The following XPO6 variants were observed in gnomAD, a reference collection of about 807,000 sequenced individuals.
XPO6 encodes exportin-6.
Under a neutral mutation model 130.0 loss-of-function variants are expected in XPO6, and 3 were observed. The observed-to-expected ratio is 0.02, with a 90% CI of 0.01 to 0.06. The LOEUF (loss-of-function observed/expected upper bound fraction) is 0.06, where lower values mean the gene tolerates loss of function less well. XPO6 is among the 10% of genes least tolerant of loss of function. The pLI is 1.00. For missense variants in XPO6, 970 were observed against 1,393.0 expected, an observed-to-expected ratio of 0.70 and a Z score of 4.83; for synonymous variants, 524 against 548.9, an observed-to-expected ratio of 0.95 and a Z score of 0.63.
intron 12 of XPO6, among the ~76,000 whole-genome samples, chr16:28,127,298 G>T (rs1012842649): frequency 1.3e-5 from 2 of 151,974 alleles, no homozygotes; most frequent in Non-Finnish European, 1.5e-5. Flanking sequence ...GCCTCTCAGG[G>T]GCATCCTGTC....
At chr16:28,138,143 C>A (rs1361130635) in intron 9 of XPO6, among the ~76,000 whole-genome samples, 2 of 152,132 alleles carry the variant, frequency 1.3e-5, no homozygotes, top group Non-Finnish European at 2.9e-5. Context: ...AAAATTCACC[C>A]AATAAAGTCA....
At chr16:28,136,425 G>A (rs1596851679) in intron 9 of XPO6, among the ~76,000 whole-genome samples, 1 of 152,122 alleles carries the variant, frequency 6.6e-6, no homozygotes, top group East Asian at 1.9e-4. Context: ...TCGCCATGTT[G>A]GCCAGATTGG....
At chr16:28,173,273 A>T (rs2043483408) in intron 4 of XPO6, among the ~76,000 whole-genome samples, 1 of 152,246 alleles carries the variant, frequency 6.6e-6, no homozygotes, top group Non-Finnish European at 1.5e-5. Context: ...GGCACTGATC[A>T]TTGAGTACTG....
chr16:28,105,467 T>C (rs1596779098), intron 20 of XPO6, among the ~76,000 whole-genome samples: 1 of 152,360 alleles, frequency 6.6e-6, no homozygotes, highest in South Asian at 2.1e-4. Flanking sequence ...AGAAGCCTCA[T>C]AGGCCCAGTG....
chr16:28,193,770 A>G (rs1457782600), intron 1 of XPO6, among the ~76,000 whole-genome samples: 3 of 152,116 alleles, frequency 2.0e-5, no homozygotes, highest in Non-Finnish European at 4.4e-5. Context: ...CAATCCCCGC[A>G]CAGCAAGCAC....
At chr16:28,137,315 T>C (rs1437677988) in intron 9 of XPO6, among the ~76,000 whole-genome samples, 1 of 152,238 alleles carries the variant, frequency 6.6e-6, no homozygotes, top group Non-Finnish European at 1.5e-5. Flanking sequence ...CTTCTAGCCT[T>C]AGGGGTGAAG....
At chr16:28,127,335 T>C (rs2042577677) in intron 12 of XPO6, among the ~76,000 whole-genome samples, 1 of 152,014 alleles carries the variant, frequency 6.6e-6, no homozygotes, top group Non-Finnish European at 1.5e-5. Context: ...ACTCCTGCCT[T>C]CCTCCTTGGC....
chr16:28,156,605 A>AATATATACATATATGTATAC, intron 6 of XPO6, 78 bp from the exon 7 acceptor site: 1 of 877,684 alleles, frequency 1.1e-6, no homozygotes, highest in Non-Finnish European at 1.7e-6. Context: ...CCTTCAAAAA[A>AATATATACATATATGTATAC]ATATATATAT....
intron 8 of XPO6, among the ~76,000 whole-genome samples, chr16:28,149,115 T>TC (rs1223291253): frequency 1.7e-4 from 24 of 144,232 alleles, no homozygotes; most frequent in Admixed American, 9.0e-4. Context: ...TCCACAGCCC[T>TC]CCCCCCCAGG....
rs1158204334 is a variant in XPO6, at chr16:28,160,503, C to CAAAAAAAAAAAAAAAAAAAAAAAAAA, written c.644-3977_644-3976insTTTTTTTTTTTTTTTTTTTTTTTTTT. On this transcript the variant is annotated intron_variant, in intron 6 of 23. Transcript: ENST00000304658. ...TGGATAACAAAGTGAGACTCCATCACCAAAAAAAAAAAAAAAATCAAGTAA... is the reference window on the plus strand; with the variant it reads ...TGGATAACAAAGTGAGACTCCATCACAAAAAAAAAAAAAAAAAAAAAAAAAACAAAAAAAAAAAAAAAATCAAGTAA... Among the ~76,000 whole-genome samples the CAAAAAAAAAAAAAAAAAAAAAAAAAA allele has an allele frequency of 3.5e-4, 41 of 116,616 alleles. 2 individuals are homozygous for CAAAAAAAAAAAAAAAAAAAAAAAAAA. Among genetic ancestry groups the CAAAAAAAAAAAAAAAAAAAAAAAAAA allele is most frequent in the East Asian group, 3.0e-3 (12 of 3,960 alleles). 76.5% of individuals were successfully genotyped at this position (116,616 alleles called of 152,430 possible).
intron 1 of XPO6, among the ~76,000 whole-genome samples, chr16:28,195,431 A>C (rs1298116992): frequency 1.3e-5 from 2 of 152,150 alleles, no homozygotes; most frequent in Admixed American, 6.5e-5. Context: ...TACTCACCTA[A>C]AAACACATTT....
At chr16:28,182,338 C>T (rs901167110) in intron 1 of XPO6, among the ~76,000 whole-genome samples, 1 of 152,154 alleles carries the variant, frequency 6.6e-6, no homozygotes, top group Non-Finnish European at 1.5e-5. Flanking sequence ...CTTCTCAGTA[C>T]CAATTACAGA....
Position 28,132,215 on chromosome 16 carries a change from G to A in XPO6, c.1606+119C>T. ...TCCCTGTTTCGAAGTGGGGAGAGAT[G>A]CCAGTGGGGAGGCTGCAGTGAAGAA... is the stretch of plus-strand genomic sequence containing the variant. On this transcript the variant is annotated intron_variant, in intron 12 of 23. Coordinates refer to ENST00000304658, the MANE Select transcript of XPO6 (RefSeq NM_015171.4). The surrounding 1 kb of genome is among the most constrained non-coding windows in gnomAD (Gnocchi z 4.0). 1 of 756,526 alleles carries A rather than the reference G, an allele frequency of 1.3e-6. No homozygotes were observed. Among genetic ancestry groups the A allele is most frequent in the Non-Finnish European group, 2.2e-6 (1 of 451,314 alleles). 46.9% of individuals were successfully genotyped at this position (756,526 alleles called of 1,614,324 possible). A position where few individuals can be genotyped will look rare whatever the true frequency, so the allele number is the denominator to read the frequency against.
In XPO6 at chr16:28,105,880, C is replaced by T. The variant is rs1381673105; in HGVS notation, c.2784+163G>A. On this transcript the variant is annotated intron_variant, in intron 20 of 23. Transcript: ENST00000304658. The stretch of plus-strand genomic sequence containing the variant: ...AATGAACTCAATCAATATAAAAACA[C>T]TGTACCACACCACTAAAGGCCTTCT... 3 of 1,029,056 alleles carry T rather than the reference C, an allele frequency of 2.9e-6. No individual in the cohort carries two copies. In the Admixed American group the frequency reaches 7.2e-5, roughly 25 times the overall value. 63.7% of individuals were successfully genotyped at this position (1,029,056 alleles called of 1,614,324 possible).
At chr16:28,166,370 G>A (rs1002596893) in intron 6 of XPO6, 138 bp downstream of exon 6, 4 of 774,500 alleles carry the variant, frequency 5.2e-6, no homozygotes, top group Non-Finnish European at 6.2e-6. Flanking sequence ...TGTTGCCCAG[G>A]CTGGTCTCAA....
chr16:28,152,417 AC>A (rs1486946959), intron 8 of XPO6, among the ~76,000 whole-genome samples: 3 of 152,158 alleles, frequency 2.0e-5, no homozygotes, highest in Non-Finnish European at 2.9e-5. Flanking sequence ...CCACTTACTA[AC>A]TGTATGACTC....
chr16:28,135,376 T>G (rs1201173491), intron 9 of XPO6, 52 bp from the exon 10 acceptor site: 1 of 1,468,988 alleles, frequency 6.8e-7, no homozygotes, highest in Admixed American at 1.7e-5. Context: ...AGCTTAGAAT[T>G]TGGAAAATGC....
At chr16:28,149,078 A>T (rs974539168) in intron 8 of XPO6, among the ~76,000 whole-genome samples, 5 of 150,378 alleles carry the variant, frequency 3.3e-5, no homozygotes, top group African/African-American at 9.8e-5. Flanking sequence ...AAAAAACAAA[A>T]GGAAGGTGGA....
Position 28,130,938 on chromosome 16 carries a change from A to AT in XPO6, c.1606+1395dup, listed in dbSNP as rs535151787. ...TGGGGGAGGAAAGAACACCTGCTTG[A>AT]TTTTTTTAATAGATCAAGAACAGTG... On this transcript the variant is annotated intron_variant, in intron 12 of 23. Coordinates refer to ENST00000304658, the MANE Select transcript of XPO6 (RefSeq NM_015171.4). 1.4e-4 allele frequency among the ~76,000 whole-genome samples: 21 copies of AT among 152,236 alleles called. No individual in the cohort carries two copies. The South Asian group carries it at 3.1e-3, about 23-fold the overall frequency.
Sources: allele counts gnomAD v4.1 joint callset (sites outside exome capture counted in the v4.1 genomes callset), GRCh38; gene constraint gnomAD v4.1.1; non-coding constraint Gnocchi (gnomAD v3.1); transcripts MANE v1.5; gene names NCBI Gene and HGNC (gene_info 2026-07-23, HGNC 2026-07-21).